Variants in RASA3 observed in about 807,000 individuals in gnomAD.
The protein encoded by RASA3 is RAS p21 protein activator 3, also known as ras GTPase-activating protein 3.
In RASA3, 73 loss-of-function variants were observed where a neutral mutation model predicts 110.0. The ratio of observed to expected loss-of-function variants is 0.66; its 90% CI spans 0.55 to 0.81. The LOEUF (loss-of-function observed/expected upper bound fraction) is 0.81. RASA3 is among the 30% of genes least tolerant of loss of function. The pLI, the probability that RASA3 is intolerant of heterozygous loss-of-function variation, is 0.00. For synonymous variants in RASA3, 500 were observed against 451.4 expected (o/e 1.11, Z -1.37); for missense variants, 976 against 1,113.2 (o/e 0.88, Z 1.75).
intron 6 of RASA3, 148 bp from the exon 7 acceptor site, chr13:114,027,609 T>C: frequency 1.3e-6 from 1 of 769,342 alleles, no homozygotes; most frequent in Non-Finnish European, 2.1e-6. Flanking sequence ...CTCCAGATGG[T>C]ATGCAAATCA....
intron 1 of RASA3, among the ~76,000 whole-genome samples, chr13:114,090,177 G>A (rs1033034954): frequency 2.0e-5 from 3 of 152,158 alleles, no homozygotes; most frequent in African/African-American, 4.8e-5. Flanking sequence ...GGGTGGGGCC[G>A]CACGGCAACA....
chr13:114,023,503 G>A (rs1442808332), intron 8 of RASA3, among the ~76,000 whole-genome samples: 2 of 152,218 alleles, frequency 1.3e-5, no homozygotes. Flanking sequence ...TGGTACAGAA[G>A]GAACAGAGGC....
chr13:114,132,601 G>T lies in RASA3; in HGVS notation c.-112C>A, dbSNP rs973425194. The T allele has an allele frequency of 1.7e-4, 156 of 912,156 alleles. No individual in the cohort carries two copies. Among genetic ancestry groups the T allele is most frequent in the Non-Finnish European group, 2.1e-4 (153 of 713,542 alleles). The allele number at this position is 912,156 out of a possible 1,614,324, so 56.5% of individuals were successfully genotyped here. The stretch of plus-strand genomic sequence containing the variant: ...GAGCCCCGAGCGCGGCCGAGGGTCC[G>T]CCCGCCTGCAAGACCGCCAGTTGGC... On this transcript the variant is annotated 5_prime_UTR_variant, in exon 1 of 24. Transcript: ENST00000334062.
chr13:114,050,141 G>A (rs866596943), intron 3 of RASA3, among the ~76,000 whole-genome samples: 5 of 152,224 alleles, frequency 3.3e-5, no homozygotes, highest in African/African-American at 4.8e-5. Flanking sequence ...CAGCTTGAAC[G>A]CGACATAAAG....
intron 1 of RASA3, among the ~76,000 whole-genome samples, chr13:114,106,612 G>C (rs2080138556): frequency 6.6e-6 from 1 of 152,160 alleles, no homozygotes; most frequent in African/African-American, 2.4e-5. Flanking sequence ...TCACACCCAA[G>C]TCCCACTTAG....
At chr13:114,119,859 A>G (rs1187890292) in intron 1 of RASA3, among the ~76,000 whole-genome samples, 5 of 100,176 alleles carry the variant, frequency 5.0e-5, no homozygotes, top group South Asian at 3.8e-4. Context: ...CCAGGCGTCG[A>G]TCAGGGCCCC....
chr13:114,071,747 G>A (rs1303891475), intron 2 of RASA3, among the ~76,000 whole-genome samples: 4 of 152,164 alleles, frequency 2.6e-5, no homozygotes, highest in African/African-American at 4.8e-5. Context: ...GGGCAGCTGC[G>A]CCAAAGCCTT....
At chr13:114,058,086 G>A (rs1056561164) in intron 2 of RASA3, among the ~76,000 whole-genome samples, 48 of 152,276 alleles carry the variant, frequency 3.2e-4, no homozygotes, top group African/African-American at 8.9e-4. Context: ...AGAACCAGCC[G>A]AGTGAAGCCC....
chr13:114,082,537 GGAGA>G (rs1464113688), intron 1 of RASA3, among the ~76,000 whole-genome samples: 1 of 152,232 alleles, frequency 6.6e-6, no homozygotes, highest in Non-Finnish European at 1.5e-5. Flanking sequence ...GCGCTTGAAT[GGAGA>G]GTGAGGAACA....
chr13:114,043,716 G>A (rs754461738), intron 3 of RASA3, among the ~76,000 whole-genome samples: 2 of 152,038 alleles, frequency 1.3e-5, no homozygotes, highest in East Asian at 1.9e-4. Context: ...GAACACCAGG[G>A]AGGCTCAGAG....
chr13:114,051,141 A>T (rs1026165639), intron 3 of RASA3, among the ~76,000 whole-genome samples: 3 of 152,106 alleles, frequency 2.0e-5, no homozygotes, highest in African/African-American at 7.2e-5. Flanking sequence ...GCCTGGGGCC[A>T]AGCTGGGGGT....
chr13:114,093,999 T>C lies in RASA3; in HGVS notation c.56-20162A>G, dbSNP rs372309656. ...TTGAGCTTCCTGAAAACAGCTATTT[T>C]GAATCCTTTGTCTGAGAGATCACAC... is the stretch of plus-strand genomic sequence containing the variant. On this transcript the variant is annotated intron_variant, in intron 1 of 23. Coordinates refer to ENST00000334062, the MANE Select transcript of RASA3 (RefSeq NM_007368.4). Among the ~76,000 whole-genome samples, 84 of 152,322 alleles carry C rather than the reference T, an allele frequency of 5.5e-4. No individual in the cohort carries two copies. In the East Asian group the frequency reaches 0.011, roughly 21 times the overall value.
chr13:114,124,396 C>G (rs1323537007), intron 1 of RASA3, among the ~76,000 whole-genome samples: 2 of 152,258 alleles, frequency 1.3e-5, no homozygotes, highest in African/African-American at 4.8e-5. Context: ...CCCAGACACT[C>G]TGATGCCGTT....
intron 15 of RASA3, among the ~76,000 whole-genome samples, chr13:114,012,207 C>T (rs2053649475): frequency 6.6e-6 from 1 of 152,038 alleles, no homozygotes; most frequent in South Asian, 2.1e-4. Flanking sequence ...AAACCGTCCA[C>T]TGCTTTTGTG....
intron 10 of RASA3, 93 bp downstream of exon 10, chr13:114,018,670 A>G (rs989102613): frequency 4.8e-6 from 7 of 1,466,546 alleles, no homozygotes; most frequent in South Asian, 1.3e-5. Flanking sequence ...CTCAGGGAGA[A>G]GGTGCCCTCT....
At chr13:114,028,526 G>A (rs908887104) in intron 5 of RASA3, among the ~76,000 whole-genome samples, 1 of 151,364 alleles carries the variant, frequency 6.6e-6, no homozygotes, top group African/African-American at 2.4e-5. Context: ...GTCATCCTGG[G>A]GGCCCAGAAC....
chr13:114,054,340 C>T (rs2079201066), intron 2 of RASA3, among the ~76,000 whole-genome samples: 1 of 152,202 alleles, frequency 6.6e-6, no homozygotes, highest in Admixed American at 6.5e-5. Context: ...ATTAAAAATG[C>T]TCCATGTCAT....
At chr13:114,017,637 C>T (rs1032428688) in intron 11 of RASA3, among the ~76,000 whole-genome samples, 71 of 152,354 alleles carry the variant, frequency 4.7e-4, no homozygotes, top group African/African-American at 1.5e-3. Context: ...CTCCCCTCTG[C>T]GGCCTCTGCC....
chr13:113,992,636 G>C (rs3737052), intron 21 of RASA3, 48 bp from the exon 22 acceptor site: 216,085 of 1,327,230 alleles, frequency 0.16, 18,213 homozygotes, highest in South Asian at 0.2. Context: ...TTATTTAAAC[G>C]ATGCTTTTAA....
Sources: gnomAD v4.1 joint callset for allele counts (sites outside exome capture counted in the v4.1 genomes callset) on GRCh38, gnomAD v4.1.1 for gene constraint, MANE v1.5 for transcripts, NCBI Gene and HGNC (gene_info 2026-07-23, HGNC 2026-07-21) for gene names.